HSPG2: variants seen among roughly 807,000 people sequenced by gnomAD.
HSPG2 encodes heparan sulfate proteoglycan 2.
Under a neutral mutation model 526.6 loss-of-function variants are expected in HSPG2, and 278 were observed. The ratio of observed to expected loss-of-function variants is 0.53; its 90% CI spans 0.48 to 0.58. HSPG2 has a LOEUF of 0.58. Ranked by LOEUF, HSPG2 falls within the 20% of genes least tolerant of loss-of-function variation. The pLI is 0.00. For synonymous variants in HSPG2, 2,465 were observed against 2,555.4 expected, an observed-to-expected ratio of 0.96 and a Z score of 1.07; for missense variants, 5,354 against 6,099.5, an observed-to-expected ratio of 0.88 and a Z score of 4.07.
chr1:21,921,816 G>T (rs1248515272), intron 1 of HSPG2, among the ~76,000 whole-genome samples: 2 of 152,194 alleles, frequency 1.3e-5, no homozygotes, highest in East Asian at 3.9e-4. Context: ...CAGCTGTCCA[G>T]GAAGGCTCAA....
chr1:21,842,693 A>T, intron 67 of HSPG2, 77 bp downstream of exon 67: 1 of 1,586,880 alleles, frequency 6.3e-7, no homozygotes. Flanking sequence ...TGGTGTTTGC[A>T]TGAGGTTTGG....
rs554059442 is a variant in HSPG2, at chr1:21,823,345, C to G, written c.13147G>C (p.Gly4383Arg). The G allele has an allele frequency of 2.6e-6, 4 of 1,542,662 alleles. No homozygotes were observed. The highest frequency in any genetic ancestry group is 1.2e-5 in the South Asian group (1 of 84,388). Residue 4383 changes from glycine to arginine, a missense_variant, in exon 97 of 97, where the codon GGG (glycine) becomes CGG (arginine). Transcript: ENST00000374695. ...GAGGGGCAGGGGCGTGTGTTGGCCC[C>G]GGCCTGGGCGCGGTGCTGCAGGTCC... is the stretch of plus-strand genomic sequence containing the variant. ...PLDLQHRAQA[G>R]ANTRPCPS is the part of the protein sequence containing the mutation.
In HSPG2 at chr1:21,829,392, A is replaced by G. The variant is rs141435008; in HGVS notation, c.11983T>C (p.Leu3995=). Reference sequence around the variant, plus strand: ...GGTGCTGGGTGCTTACCTGACCCCAACTCATAGCGGAACTCCAGGTGGCCG... The same window carrying G: ...GGTGCTGGGTGCTTACCTGACCCCAGCTCATAGCGGAACTCCAGGTGGCCG... ...VGGHLEFRYE[L]GSGLAVLRSA... Residue 3995 remains leucine, a synonymous_variant, in exon 87 of 97, where the codon TTG becomes CTG. Transcript: ENST00000374695. 604 of 1,613,142 alleles carry G rather than the reference A, an allele frequency of 3.7e-4. No homozygotes were observed. Among genetic ancestry groups the G allele is most frequent in the Non-Finnish European group, 4.6e-4 (543 of 1,179,904 alleles).
intron 1 of HSPG2, among the ~76,000 whole-genome samples, chr1:21,930,669 G>A (rs1644323317): frequency 6.6e-6 from 1 of 151,926 alleles, no homozygotes; most frequent in Non-Finnish European, 1.5e-5. Flanking sequence ...AGCTACTTGG[G>A]AGGCTAAGGC....
At position 21,878,474 on chromosome 1, in the gene HSPG2, T is replaced by C. The variant is rs1247075499; in HGVS notation, c.2576A>G (p.Glu859Gly). 2 of 1,611,460 alleles carry C rather than the reference T, an allele frequency of 1.2e-6. No individual in the cohort carries two copies. The highest frequency in any genetic ancestry group is 1.7e-6 in the Non-Finnish European group (2 of 1,178,482). Residue 859 changes from glutamate (E) to glycine (G), a missense_variant, in exon 20 of 97, where the codon GAG (glutamate) becomes GGG (glycine). Transcript: ENST00000374695. ...CCCGCCGGGCTGGATGGGGTTGCCCTCGTATCCGGGGGCACAGCTAGGGGA... is the reference window on the plus strand; with the variant it reads ...CCCGCCGGGCTGGATGGGGTTGCCCCCGTATCCGGGGGCACAGCTAGGGGA... ...RRCESCAPGY[E>G]GNPIQPGGKC...
chr1:21,916,068 G>A (rs36055476), intron 1 of HSPG2, among the ~76,000 whole-genome samples: 1,539 of 47,646 alleles, frequency 0.032, 40 homozygotes, highest in African/African-American at 0.092. Flanking sequence ...AAAAGAAGAA[G>A]AAGAAAAAAA....
At chr1:21,869,599 T>C in intron 33 of HSPG2, 1 of 985,970 alleles carries the variant, frequency 1.0e-6, no homozygotes, top group Admixed American at 6.1e-5. Flanking sequence ...GGGTTGGGGT[T>C]GGGCAGCAAA....
intron 13 of HSPG2, among the ~76,000 whole-genome samples, chr1:21,884,114 A>G (rs1038452155): frequency 6.6e-6 from 1 of 152,208 alleles, no homozygotes. Context: ...GCTGAGCACA[A>G]TTCTGAGAGG....
At chr1:21,825,414 G>A (rs2097968667) in intron 91 of HSPG2, among the ~76,000 whole-genome samples, 1 of 152,184 alleles carries the variant, frequency 6.6e-6, no homozygotes, top group Non-Finnish European at 1.5e-5. Flanking sequence ...TACTGGGACC[G>A]TTGGTCACCT....
chr1:21,874,703 C>T lies in HSPG2; in HGVS notation c.3441G>A (p.Thr1147=), dbSNP rs550724412. ...AGGTACCCAGGTAGAGGCCACTGGGCGTGCGTGTGTAGCCTGTGTCACAGT... is the reference window on the plus strand; with the variant it reads ...AGGTACCCAGGTAGAGGCCACTGGGTGTGCGTGTGTAGCCTGTGTCACAGT... ...CQDCDTGYTR[T]PSGLYLGTCE... The change falls in exon 27 of 97, where the codon ACG becomes ACA. Residue 1147 remains threonine (T), a synonymous_variant. Transcript: ENST00000374695. The T allele has an allele frequency of 9.3e-6, 15 of 1,608,438 alleles. No individual in the cohort carries two copies. The highest frequency in any genetic ancestry group is 1.3e-5 in the African/African-American group (1 of 74,906).
chr1:21,896,130 C>G (rs1273144445), intron 2 of HSPG2, 45 bp downstream of exon 2: 1 of 1,613,132 alleles, frequency 6.2e-7, no homozygotes, highest in South Asian at 1.1e-5. Context: ...GAAGCACAGT[C>G]TCACCCCCCA....
At chr1:21,874,811 A>C (rs1640919018) in intron 26 of HSPG2, 80 bp downstream of exon 26, 8 of 1,503,018 alleles carry the variant, frequency 5.3e-6, no homozygotes, top group Middle Eastern at 1.7e-4. Flanking sequence ...AGGGCTGGGG[A>C]GGTGTGGAGG....
intron 37 of HSPG2, among the ~76,000 whole-genome samples, chr1:21,862,583 C>CAAAAA (rs1164705115): frequency 4.3e-4 from 4 of 9,276 alleles, no homozygotes; most frequent in Non-Finnish European, 1.4e-3. Flanking sequence ...GACTCCATCT[C>CAAAAA]AAAAAAAAAA....
chr1:21,859,892 A>G lies in HSPG2; in HGVS notation c.5125T>C (p.Tyr1709His), dbSNP rs200045781. The change falls in exon 41 of 97, where the codon TAT (tyrosine) becomes CAT (histidine). Residue 1709 changes from tyrosine (Y) to histidine (H), a missense_variant. Physicochemically the swap from Tyr to His is moderately conservative, Grantham distance 83. Transcript: ENST00000374695. This position sits in a 1 kb window ranked among gnomAD's most constrained non-coding sequence, Gnocchi z 5.3. The part of the protein sequence containing the change: ...QVSGSPPHYF[Y>H]WSREDGRPVP... Reference sequence around the variant, plus strand: ...GGCCGCCCATCCTCACGGGACCAATAGAAGTAGTGGGGTGGGCTCCCACTG... The same window carrying G: ...GGCCGCCCATCCTCACGGGACCAATGGAAGTAGTGGGGTGGGCTCCCACTG... 6.3e-4 allele frequency: 1,019 copies of G among 1,610,972 alleles called. 10 individuals carry two copies. Among genetic ancestry groups the G allele is most frequent in the Non-Finnish European group, 6.4e-5 (75 of 1,179,520 alleles).
chr1:21,823,494 G>C lies in HSPG2; in HGVS notation c.13004-6C>G. ...GGCCACGTCAGGGGCTCCGCCTGCC[G>C]GGAGGTGAGAGGACAGGGCCTGTGG... On this transcript the variant is annotated splice_region_variant and splice_polypyrimidine_tract_variant and intron_variant, in intron 96 of 96. Transcript: ENST00000374695. 6.2e-7 allele frequency: 1 copy of C among 1,604,804 alleles called. No individual in the cohort carries two copies. Among genetic ancestry groups the C allele is most frequent in the Non-Finnish European group, 8.5e-7 (1 of 1,178,754 alleles).
intron 6 of HSPG2, 49 bp from the exon 7 acceptor site, chr1:21,888,115 G>T (rs757026725): frequency 6.2e-7 from 1 of 1,610,440 alleles, no homozygotes; most frequent in African/African-American, 1.3e-5. Flanking sequence ...CAGGAGGCAG[G>T]TGCGGGAAGC....
Position 21,887,748 on chromosome 1 carries a change from C to T in HSPG2, c.704-74G>A. ...CCTGCTCCTTGTCCCCAACCCTCCCCAGGCCCACCCTGTACTCCCCAACAC... is the reference window on the plus strand; with the variant it reads ...CCTGCTCCTTGTCCCCAACCCTCCCTAGGCCCACCCTGTACTCCCCAACAC... On this transcript the variant is annotated intron_variant, in intron 7 of 96. Transcript: ENST00000374695. This position sits in a 1 kb window ranked among gnomAD's most constrained non-coding sequence, Gnocchi z 5.0. 6.2e-7 allele frequency: 1 copy of T among 1,603,364 alleles called. No homozygotes were observed. Among genetic ancestry groups the T allele is most frequent in the Non-Finnish European group, 8.5e-7 (1 of 1,171,288 alleles).
intron 64 of HSPG2, among the ~76,000 whole-genome samples, chr1:21,845,244 TCAAAA>T (rs372238509): frequency 6.6e-6 from 1 of 152,092 alleles, no homozygotes; most frequent in African/African-American, 2.4e-5. Context: ...AGACTCCGTC[TCAAAA>T]CAAAACAAAA....
At chr1:21,915,943 C>T (rs1039353006) in intron 1 of HSPG2, among the ~76,000 whole-genome samples, 2 of 151,084 alleles carry the variant, frequency 1.3e-5, no homozygotes, top group Admixed American at 1.3e-4. Flanking sequence ...CCCAGCTACT[C>T]GGGAGGCTGA....
Sources: allele counts gnomAD v4.1 joint callset (sites outside exome capture counted in the v4.1 genomes callset), GRCh38; gene constraint gnomAD v4.1.1; non-coding constraint Gnocchi (gnomAD v3.1); transcripts MANE v1.5; gene names NCBI Gene and HGNC (gene_info 2026-07-23, HGNC 2026-07-21).